The following EBF2 variants were observed in gnomAD, a reference collection of about 807,000 sequenced individuals.
EBF2 encodes EBF transcription factor 2.
Under a neutral mutation model 72.8 loss-of-function variants are expected in EBF2, and 21 were observed. The ratio of observed to expected loss-of-function variants is 0.29; its 90% CI spans 0.20 to 0.42. EBF2 has a LOEUF of 0.42. EBF2 is among the 10% of genes least tolerant of loss of function. The pLI, the probability that EBF2 is intolerant of heterozygous loss-of-function variation, is 1.00. For missense variants in EBF2, 637 were observed against 731.2 expected (o/e 0.87, Z 1.49); for synonymous variants, 299 against 274.2 (o/e 1.09, Z -0.89).
chr8:25,858,943 G>A (rs1024335197), intron 13 of EBF2, among the ~76,000 whole-genome samples: 16 of 152,204 alleles, frequency 1.1e-4, no homozygotes, highest in African/African-American at 3.4e-4. Context: ...ACAGGTGTGA[G>A]CCAGTGCGCC....
chr8:25,952,348 G>A (rs1321943597), intron 6 of EBF2, among the ~76,000 whole-genome samples: 1 of 150,964 alleles, frequency 6.6e-6, no homozygotes, highest in East Asian at 1.9e-4. Flanking sequence ...ATTTTTTGTT[G>A]GCCTATTGTA....
chr8:25,927,662 A>G (rs1803408066), intron 6 of EBF2, among the ~76,000 whole-genome samples: 1 of 152,128 alleles, frequency 6.6e-6, no homozygotes, highest in South Asian at 2.1e-4. Flanking sequence ...AGAAGAGGGG[A>G]CAGGGGAGAG....
In EBF2 at chr8:25,842,102, C is replaced by G. The variant is rs1029751960; in HGVS notation, c.*2507G>C. The G allele has an allele frequency of 6.6e-6, 1 of 152,136 alleles. No individual in the cohort carries two copies. Among genetic ancestry groups the G allele is most frequent in the Non-Finnish European group, 1.5e-5 (1 of 68,020 alleles). 9.4% of individuals were successfully genotyped at this position (152,136 alleles called of 1,614,324 possible). On this transcript the variant is annotated 3_prime_UTR_variant, in exon 16 of 16. Transcript: ENST00000520164. ...AAATGAAAAAAATCTTACACAGCTC[C>G]TCTTACAAACACAGGATAGAGTTTG... is the stretch of plus-strand genomic sequence containing the variant.
At chr8:25,941,167 G>A (rs1356773331) in intron 6 of EBF2, among the ~76,000 whole-genome samples, 1 of 151,354 alleles carries the variant, frequency 6.6e-6, no homozygotes, top group Non-Finnish European at 1.5e-5. Flanking sequence ...AGTCCCTGGG[G>A]CCTCCCCACC....
chr8:26,044,689 A>T lies in EBF2; in HGVS notation c.131+40T>A. 3 of 1,606,154 alleles carry T rather than the reference A, an allele frequency of 1.9e-6. No homozygotes were observed. Among genetic ancestry groups the T allele is most frequent in the Non-Finnish European group, 1.7e-6 (2 of 1,174,592 alleles). On this transcript the variant is annotated intron_variant, in intron 1 of 15. Coordinates refer to ENST00000520164, the MANE Select transcript of EBF2 (RefSeq NM_022659.4). This position sits in a 1 kb window ranked among gnomAD's most constrained non-coding sequence, Gnocchi z 4.1. ...TGCACACGGAGAGACAGACCGTAAG[A>T]GCGAGAGACAGCATAATAATTGCGC...
intron 6 of EBF2, among the ~76,000 whole-genome samples, chr8:25,910,180 T>A (rs1258637326): frequency 6.6e-6 from 1 of 152,238 alleles, no homozygotes; most frequent in Non-Finnish European, 1.5e-5. Context: ...ATTGCTTTTA[T>A]GTAAGTAAAG....
intron 6 of EBF2, among the ~76,000 whole-genome samples, chr8:26,003,856 C>A (rs573530678): frequency 6.6e-6 from 1 of 152,132 alleles, no homozygotes; most frequent in Non-Finnish European, 1.5e-5. Context: ...ACCTCTCTGG[C>A]GAAGCACCAG....
intron 6 of EBF2, among the ~76,000 whole-genome samples, chr8:26,017,025 A>G (rs1054275533): frequency 6.6e-6 from 1 of 152,144 alleles, no homozygotes; most frequent in African/African-American, 2.4e-5. Context: ...GAAACGCTGA[A>G]GAGAAGGATT....
intron 6 of EBF2, among the ~76,000 whole-genome samples, chr8:25,987,088 C>T (rs1263631212): frequency 2.0e-5 from 3 of 151,970 alleles, no homozygotes; most frequent in Admixed American, 2.0e-4. Context: ...CTCATAAAAG[C>T]AGAAGAGGAA....
chr8:25,854,314 G>A (rs1188084815), intron 14 of EBF2, among the ~76,000 whole-genome samples: 1 of 149,162 alleles, frequency 6.7e-6, no homozygotes, highest in African/African-American at 2.5e-5. Flanking sequence ...GTCAACTTTT[G>A]AAAGCAAACA....
chr8:25,901,508 A>G (rs1802954457), intron 7 of EBF2, among the ~76,000 whole-genome samples: 1 of 151,898 alleles, frequency 6.6e-6, no homozygotes, highest in Non-Finnish European at 1.5e-5. Context: ...ATCTGAAACG[A>G]CCTAATATAC....
chr8:25,958,440 T>A (rs959834060), intron 6 of EBF2, among the ~76,000 whole-genome samples: 1 of 152,172 alleles, frequency 6.6e-6, no homozygotes, highest in African/African-American at 2.4e-5. Flanking sequence ...CATCTGCACT[T>A]TATTCAATGA....
At chr8:25,899,757 G>T (rs1416419485) in intron 7 of EBF2, among the ~76,000 whole-genome samples, 4 of 152,136 alleles carry the variant, frequency 2.6e-5, no homozygotes, top group African/African-American at 7.2e-5. Flanking sequence ...TGTGTACGAG[G>T]TGTCTTTGTC....
chr8:25,947,622 C>G (rs1803792739), intron 6 of EBF2, among the ~76,000 whole-genome samples: 1 of 152,200 alleles, frequency 6.6e-6, no homozygotes, highest in Non-Finnish European at 1.5e-5. Context: ...CCCCTGCCAG[C>G]CTCTGCAGCC....
intron 6 of EBF2, among the ~76,000 whole-genome samples, chr8:25,920,602 C>T (rs1300080252): frequency 6.6e-6 from 1 of 152,168 alleles, no homozygotes; most frequent in Non-Finnish European, 1.5e-5. Context: ...AGTTAGTTAG[C>T]TTTTGAGTAA....
chr8:26,022,751 T>A (rs976925619), intron 6 of EBF2, among the ~76,000 whole-genome samples: 48 of 152,210 alleles, frequency 3.2e-4, no homozygotes, highest in Non-Finnish European at 4.9e-4. Flanking sequence ...CTGGAAATTT[T>A]GAGGTTACAA....
At chr8:26,023,679 C>A (rs1330367650) in intron 6 of EBF2, among the ~76,000 whole-genome samples, 2 of 152,180 alleles carry the variant, frequency 1.3e-5, no homozygotes, top group Non-Finnish European at 2.9e-5. Flanking sequence ...GATGGTATAA[C>A]AGCAGTTCCC....
chr8:25,996,071 CT>C (rs942580972), intron 6 of EBF2, among the ~76,000 whole-genome samples: 2 of 152,060 alleles, frequency 1.3e-5, no homozygotes, highest in Admixed American at 1.3e-4. Context: ...AAGCCTGAGA[CT>C]GGCAGATCAC....
intron 6 of EBF2, among the ~76,000 whole-genome samples, chr8:25,917,860 G>A (rs1476808826): frequency 1.3e-5 from 2 of 152,036 alleles, no homozygotes; most frequent in Non-Finnish European, 2.9e-5. Context: ...TGCCTGGTCC[G>A]CTGGTTTTAC....
Sources: allele counts gnomAD v4.1 joint callset (sites outside exome capture counted in the v4.1 genomes callset), GRCh38; gene constraint gnomAD v4.1.1; non-coding constraint Gnocchi (gnomAD v3.1); transcripts MANE v1.5; gene names NCBI Gene and HGNC (gene_info 2026-07-23, HGNC 2026-07-21).